Variants in PDGFRB observed in about 807,000 individuals in gnomAD.
PDGFRB encodes the protein platelet derived growth factor receptor beta.
Under a neutral mutation model 120.2 loss-of-function variants are expected in PDGFRB, and 42 were observed. The observed-to-expected ratio is 0.35, with a 90% CI of 0.27 to 0.45. PDGFRB has a LOEUF of 0.45. PDGFRB is among the 20% of genes least tolerant of loss of function. PDGFRB has a pLI of 1.00. For missense variants in PDGFRB, 1,149 were observed against 1,476.3 expected (o/e 0.78, Z 3.63); for synonymous variants, 586 against 606.8 (o/e 0.97, Z 0.50).
In PDGFRB at chr5:150,124,334, C is replaced by T. The variant is rs766289548; in HGVS notation, c.1939G>A (p.Ala647Thr). 1 of 1,614,146 alleles carries T rather than the reference C, an allele frequency of 6.2e-7. No individual in the cohort carries two copies. Among genetic ancestry groups the T allele is most frequent in the South Asian group, 1.1e-5 (1 of 91,086 alleles). The change falls in exon 14 of 23, where the codon GCC (alanine) becomes ACC (threonine). Residue 647 changes from alanine to threonine, a missense_variant. Physicochemically the swap from Ala to Thr is moderately conservative, Grantham distance 58. This residue lies in a region of PDGFRB where 879 missense variants were observed against 1,108.6 expected (regional missense o/e 0.79). Coordinates refer to ENST00000261799, the MANE Select transcript of PDGFRB (RefSeq NM_002609.4). ...KSTARSSEKQ[A>T]LMSELKIMSH... ...ATGATCTTCAGCTCCGACATAAGGG[C>T]TTGCTTCTCACTGCTGCGGGCTGTG...
At chr5:150,151,633 C>T (rs1008958842) in intron 1 of PDGFRB, among the ~76,000 whole-genome samples, 10 of 151,848 alleles carry the variant, frequency 6.6e-5, no homozygotes, top group Non-Finnish European at 1.2e-4. Context: ...CTGAGGCAGG[C>T]GGATCACTTG....
rs764243842 is a variant in PDGFRB at position 150,117,711 on chromosome 5, T to A, written c.3044A>T (p.Asn1015Ile). 1.9e-6 allele frequency: 3 copies of A among 1,613,562 alleles called. No individual in the cohort carries two copies. In the Admixed American group the frequency reaches 5.0e-5, roughly 27 times the overall value. The change falls in exon 22 of 23, where the codon AAT (asparagine) becomes ATT (isoleucine). Residue 1015 changes from asparagine to isoleucine, a missense_variant. Coordinates refer to ENST00000261799, the MANE Select transcript of PDGFRB (RefSeq NM_002609.4). ...GATGATATAGTCGTTGTCACCCTCATTGGGCTGCACGGCAGTATAGAGGAC... is the reference window on the plus strand; with the variant it reads ...GATGATATAGTCGTTGTCACCCTCAATGGGCTGCACGGCAGTATAGAGGAC... ...SSVLYTAVQP[N>I]EGDNDYIIPL...
At chr5:150,141,926 C>T (rs550264078) in intron 1 of PDGFRB, among the ~76,000 whole-genome samples, 17 of 151,262 alleles carry the variant, frequency 1.1e-4, no homozygotes, top group Non-Finnish European at 7.4e-5. Flanking sequence ...AGGAACAGGC[C>T]GGGTAGAAAC....
In PDGFRB at chr5:150,129,848, A is replaced by T; in HGVS notation, c.1488T>A (p.Arg496=). 6.2e-7 allele frequency: 1 copy of T among 1,614,122 alleles called. No individual in the cohort carries two copies. The highest frequency in any genetic ancestry group is 8.5e-7 in the Non-Finnish European group (1 of 1,180,018). The change falls in exon 10 of 23, where the codon CGT becomes CGA. Residue 496 remains arginine (R), a synonymous_variant. Transcript: ENST00000261799. ...ACAGTGGCCGATCCACGTGCTGCAG[A>T]CGCAGTGTGCTCACCACCTCAAACT... ...EQEFEVVSTL[R]LQHVDRPLSV...
intron 1 of PDGFRB, among the ~76,000 whole-genome samples, chr5:150,148,955 C>T (rs1378948632): frequency 6.6e-6 from 1 of 152,126 alleles, no homozygotes; most frequent in Non-Finnish European, 1.5e-5. Context: ...GAAACTGGGG[C>T]TCTTCAGCAA....
intron 1 of PDGFRB, among the ~76,000 whole-genome samples, chr5:150,146,776 A>G (rs1293896527): frequency 2.0e-5 from 3 of 152,180 alleles, no homozygotes; most frequent in African/African-American, 7.2e-5. Context: ...GACCAGAAAC[A>G]GTTCTGTCCA....
At chr5:150,116,613 A>G (rs559542590) in intron 22 of PDGFRB, among the ~76,000 whole-genome samples, 1 of 152,016 alleles carries the variant, frequency 6.6e-6, no homozygotes, top group African/African-American at 2.4e-5. Context: ...CCATCTCAAA[A>G]ATAAATAAAT....
chr5:150,135,837 G>A lies in PDGFRB; in HGVS notation c.82C>T (p.Gln28Ter). The A allele has an allele frequency of 6.5e-7, 1 of 1,546,924 alleles. No individual in the cohort carries two copies. Among genetic ancestry groups the A allele is most frequent in the Non-Finnish European group, 8.7e-7 (1 of 1,148,068 alleles). ...GTGACGACCAGGCCCTGAGAGATCT[G>A]TGGTTCCAGAAGTAACAGGAGAGAC... ...LLSLLLLLEP[Q>*]ISQGLVVTPP... is the part of the protein sequence containing the mutation. The change falls in exon 3 of 23, where the codon CAG becomes TAG. Residue 28 changes from glutamine to a stop codon, truncating the protein, a stop_gained. Transcript: ENST00000261799. LOFTEE classifies it high-confidence loss of function.
At position 150,124,785 on chromosome 5, in the gene PDGFRB, C is replaced by T. The variant is rs56072663; in HGVS notation, c.1854G>A (p.Thr618=). The part of the protein sequence containing the change: ...SGAFGQVVEA[T]AHGLSHSQAT... ...CCTGAGAATGGCTCAGGCCATGAGC[C>T]GTGGCCTCCACCACCTGCCCAAAGG... Residue 618 remains threonine (T), a synonymous_variant, in exon 13 of 23, where the codon ACG becomes ACA. Coordinates refer to ENST00000261799, the MANE Select transcript of PDGFRB (RefSeq NM_002609.4). The T allele has an allele frequency of 0.032, 51,598 of 1,609,566 alleles. 1,152 individuals carry two copies. Among genetic ancestry groups the T allele is most frequent in the Middle Eastern group, 0.067 (405 of 6,002 alleles).
rs770635073 is a variant in PDGFRB at position 150,123,109 on chromosome 5, C to T, written c.2116G>A (p.Asp706Asn). Residue 706 changes from aspartate (D) to asparagine (N), a missense_variant, in exon 15 of 23, where the codon GAC becomes AAC. Physicochemically the swap from Asp to Asn is conservative, Grantham distance 23. Around this residue, in one of 3 missense-constraint regions of PDGFRB, gnomAD observed 879 missense variants for 1,108.6 expected, o/e 0.79. Transcript: ENST00000261799. ...NKHTFLQHHS[D>N]KRRPPSAELY... ...TCCGCGCTGGGCGGGCGGCGCTTGT[C>T]GGAGTGGTGCTGCAGGAAGGTGTGT... 24 of 1,613,862 alleles carry T rather than the reference C, an allele frequency of 1.5e-5. No individual in the cohort carries two copies. The highest frequency in any genetic ancestry group is 4.4e-5 in the South Asian group (4 of 91,086).
At chr5:150,131,344 T>C (rs543450011) in intron 8 of PDGFRB, among the ~76,000 whole-genome samples, 2 of 152,318 alleles carry the variant, frequency 1.3e-5, no homozygotes, top group African/African-American at 4.8e-5. Flanking sequence ...GCCTTTGCAC[T>C]GCCCGAGGTA....
intron 3 of PDGFRB, among the ~76,000 whole-genome samples, chr5:150,135,353 G>A (rs768291214): frequency 6.6e-6 from 1 of 152,166 alleles, no homozygotes; most frequent in Non-Finnish European, 1.5e-5. Context: ...GGAATAGGGT[G>A]ACTGGCAGGG....
chr5:150,142,962 T>C (rs751921899), intron 1 of PDGFRB, among the ~76,000 whole-genome samples: 3 of 152,070 alleles, frequency 2.0e-5, no homozygotes, highest in Non-Finnish European at 4.4e-5. Context: ...GAAGTAGCGT[T>C]AGGCTACTAC....
intron 1 of PDGFRB, among the ~76,000 whole-genome samples, chr5:150,152,959 G>A (rs1761119610): frequency 6.6e-6 from 1 of 152,188 alleles, no homozygotes; most frequent in South Asian, 2.1e-4. Context: ...TGCTGCCCCG[G>A]GGTCACACAG....
chr5:150,121,134 G>A lies in PDGFRB; in HGVS notation c.2463+70C>T. The A allele has an allele frequency of 3.7e-6, 5 of 1,354,990 alleles. No individual in the cohort carries two copies. The highest frequency in any genetic ancestry group is 1.1e-6 in the Non-Finnish European group (1 of 943,688). 83.9% of individuals were successfully genotyped at this position (1,354,990 alleles called of 1,614,324 possible). On this transcript the variant is annotated intron_variant, in intron 17 of 22. Transcript: ENST00000261799. The surrounding 1 kb of genome is among the most constrained non-coding windows in gnomAD (Gnocchi z 4.1). ...GAGAGGCCACCCTGGTGTGCTCTTG[G>A]AGGATGCTGGCTGGCTGGGTGACCC...
rs1194377127 is a variant in PDGFRB, at chr5:150,134,991, A to G, written c.390T>C (p.Asn130=). Residue 130 remains asparagine, a synonymous_variant, in exon 4 of 23, where the codon AAT becomes AAC. Transcript: ENST00000261799. ...VPDPTVGFLP[N]DAEELFIFLT... The stretch of plus-strand genomic sequence containing the variant: ...GAAAGATGAATAGTTCCTCGGCATC[A>G]TTAGGGAGGAAGCCCACGGTGGGAT... 2 of 1,605,268 alleles carry G rather than the reference A, an allele frequency of 1.2e-6. No individual in the cohort carries two copies. The highest frequency in any genetic ancestry group is 1.7e-6 in the Non-Finnish European group (2 of 1,173,506).
Position 150,114,805 on chromosome 5 carries a change from C to A in PDGFRB, c.*958G>T, listed in dbSNP as rs1392462539. The A allele has an allele frequency of 4.3e-6, 1 of 233,568 alleles. No homozygotes were observed. Among genetic ancestry groups the A allele is most frequent in the East Asian group, 6.0e-5 (1 of 16,588 alleles). The allele number at this position is 233,568 out of a possible 1,614,324, so 14.5% of individuals were successfully genotyped here. On this transcript the variant is annotated 3_prime_UTR_variant, in exon 23 of 23. Coordinates refer to ENST00000261799, the MANE Select transcript of PDGFRB (RefSeq NM_002609.4). ...AGGCACTCAGAGTTAATAAGTCCGA[C>A]TTATTCATTTTTTGAAGGGGAAACT...
chr5:150,136,377 G>T (rs1367542889), intron 2 of PDGFRB, among the ~76,000 whole-genome samples: 1 of 152,208 alleles, frequency 6.6e-6, no homozygotes, highest in African/African-American at 2.4e-5. Context: ...TTGGGCTGGA[G>T]GGAACTGGGG....
At chr5:150,145,808 G>C (rs192011074) in intron 1 of PDGFRB, among the ~76,000 whole-genome samples, 1 of 152,304 alleles carries the variant, frequency 6.6e-6, no homozygotes, top group African/African-American at 2.4e-5. Flanking sequence ...GGCTGAGTCA[G>C]GAGAATTGCT....
Sources: allele counts gnomAD v4.1 joint callset (sites outside exome capture counted in the v4.1 genomes callset), GRCh38; gene constraint gnomAD v4.1.1; regional missense constraint gnomAD v4.1.1; non-coding constraint Gnocchi (gnomAD v3.1); transcripts MANE v1.5; gene names NCBI Gene and HGNC (gene_info 2026-07-23, HGNC 2026-07-21).